Variants in DNMBP observed in about 807,000 individuals in gnomAD.
DNMBP encodes dynamin binding protein.
DNMBP carries 87 observed loss-of-function variants against 150.0 expected under a neutral mutation model. That is an observed-to-expected ratio of 0.58 (90% CI 0.49 to 0.69). DNMBP has a LOEUF of 0.69. DNMBP is among the 30% of genes least tolerant of loss of function. DNMBP has a pLI of 0.00. For missense variants in DNMBP, 1,774 were observed against 1,949.0 expected (o/e 0.91, Z 1.69); for synonymous variants, 711 against 750.4 (o/e 0.95, Z 0.86).
At position 99,887,194 on chromosome 10, in the gene DNMBP, T is replaced by A. The variant is rs141434878; in HGVS notation, c.3286-562A>T. Among the ~76,000 whole-genome samples, 259 of 151,798 alleles carry A rather than the reference T, an allele frequency of 1.7e-3. No homozygotes were observed. In the Middle Eastern group the frequency reaches 0.034, roughly 20 times the overall value. On this transcript the variant is annotated intron_variant, in intron 12 of 16. Transcript: ENST00000324109. The stretch of plus-strand genomic sequence containing the variant: ...GCCTCAGCCTCCCAAGAAGTTGGGA[T>A]TACAGGAGTCAGCCACCGCACACAG...
intron 14 of DNMBP, among the ~76,000 whole-genome samples, chr10:99,885,325 A>G (rs1483077491): frequency 8.5e-5 from 13 of 152,202 alleles, no homozygotes; most frequent in Admixed American, 8.5e-4. Context: ...CCTGGCCAAC[A>G]TGGTAAAACC....
chr10:99,923,186 C>T (rs189234121), intron 4 of DNMBP, among the ~76,000 whole-genome samples: 2 of 152,102 alleles, frequency 1.3e-5, no homozygotes, highest in African/African-American at 2.4e-5. Context: ...GTCAGGAGTT[C>T]GACTCCAGCC....
At chr10:99,913,047 C>T (rs7916729) in intron 4 of DNMBP, among the ~76,000 whole-genome samples, 3,286 of 152,154 alleles carry the variant, frequency 0.022, 119 homozygotes, top group African/African-American at 0.073. Flanking sequence ...GTAATCCTAG[C>T]GCTTTGGGAG....
chr10:99,933,841 A>G (rs11190329), intron 4 of DNMBP, among the ~76,000 whole-genome samples: 71,209 of 152,028 alleles, frequency 0.47, 17,662 homozygotes, highest in African/African-American at 0.63. Context: ...GGTTCACACC[A>G]TTCTCCTGCC....
chr10:99,970,971 C>CAAAAAAAAAAAAAAAACAAAAAAA, intron 2 of DNMBP, among the ~76,000 whole-genome samples: 1 of 33,184 alleles, frequency 3.0e-5, no homozygotes, highest in Non-Finnish European at 5.5e-5. Context: ...GACTCCGTCT[C>CAAAAAAAAAAAAAAAACAAAAAAA]AAAAAAAAAA....
chr10:99,893,812 C>G (rs2039612246), intron 11 of DNMBP, among the ~76,000 whole-genome samples: 1 of 152,116 alleles, frequency 6.6e-6, no homozygotes, highest in East Asian at 1.9e-4. Flanking sequence ...GCTAGTGTAT[C>G]TCCCACCTAC....
intron 1 of DNMBP, among the ~76,000 whole-genome samples, chr10:100,004,801 G>A (rs781035958): frequency 2.6e-5 from 4 of 152,122 alleles, no homozygotes; most frequent in East Asian, 1.9e-4. Flanking sequence ...AAGACAAAAC[G>A]AGAACTAAAT....
chr10:99,915,108 A>AAAAATATAT (rs10654940), intron 4 of DNMBP, among the ~76,000 whole-genome samples: 67 of 99,794 alleles, frequency 6.7e-4, no homozygotes, highest in South Asian at 1.0e-3. Context: ...AAAAAAAAAA[A>AAAAATATAT]ATATATATAT....
At chr10:100,000,583 G>A (rs1430283211) in intron 1 of DNMBP, among the ~76,000 whole-genome samples, 1 of 152,098 alleles carries the variant, frequency 6.6e-6, no homozygotes, top group Non-Finnish European at 1.5e-5. Context: ...GATTCTACTA[G>A]CCTGCTGAAC....
Position 99,879,859 on chromosome 10 carries a change from C to G in DNMBP, c.4500G>C (p.Pro1500=). The part of the protein sequence containing the change: ...VKGCARTAQA[P]EDRSTEPDGS... ...CATCTGGCTCTGTACTTCTGTCTTC[C>G]GGAGCCTGGGCTGTTCTTGCACATC... is the stretch of plus-strand genomic sequence containing the variant. Residue 1500 remains proline, a synonymous_variant, in exon 16 of 17, where the codon CCG becomes CCC. Coordinates refer to ENST00000324109, the MANE Select transcript of DNMBP (RefSeq NM_015221.4). The G allele has an allele frequency of 6.2e-7, 1 of 1,614,234 alleles. No homozygotes were observed.
rs373382477 is a variant in DNMBP, at chr10:99,888,821, T to C, written c.3285+4A>G. The C allele has an allele frequency of 1.2e-6, 2 of 1,613,832 alleles. No individual in the cohort carries two copies. The highest frequency in any genetic ancestry group is 1.3e-5 in the African/African-American group (1 of 74,908). ...GGCCAACTTTTGAAGAAAAAGTTAC[T>C]TACAAAGTTTGTGAAGAGCTGGTCA... On this transcript the variant is annotated splice_donor_region_variant and intron_variant, in intron 12 of 16. Transcript: ENST00000324109.
intron 1 of DNMBP, among the ~76,000 whole-genome samples, chr10:99,974,341 G>T (rs192277802): frequency 4.5e-4 from 68 of 152,278 alleles, no homozygotes; most frequent in African/African-American, 1.6e-3. Flanking sequence ...GATGCATGTG[G>T]CTGGGGAACC....
rs183335767 is a variant in DNMBP, at chr10:99,904,649, A to G, written c.2554+3346T>C. ...ACCACCCACCATCCCTCCTCTAAAAATTAGTCCTTGCGCCTAGGTCTCAGC... is the reference window on the plus strand; with the variant it reads ...ACCACCCACCATCCCTCCTCTAAAAGTTAGTCCTTGCGCCTAGGTCTCAGC... On this transcript the variant is annotated intron_variant, in intron 6 of 16. Transcript: ENST00000324109. Among the ~76,000 whole-genome samples the G allele has an allele frequency of 4.7e-4, 71 of 152,154 alleles. 1 individual carries two copies. In the East Asian group the frequency reaches 0.012, roughly 25 times the overall value.
rs546104669 is a variant in DNMBP, at chr10:99,976,319, T to C, written c.-10-4185A>G. On this transcript the variant is annotated intron_variant, in intron 1 of 16. Coordinates refer to ENST00000324109, the MANE Select transcript of DNMBP (RefSeq NM_015221.4). ...TTTAAAAATAGACACACTCCAGACT[T>C]CCCTGACTTCTTTATTAGAAGACCT... Among the ~76,000 whole-genome samples the C allele has an allele frequency of 2.0e-4, 30 of 152,338 alleles. No individual in the cohort carries two copies. In the South Asian group the frequency reaches 5.4e-3, roughly 27 times the overall value.
intron 4 of DNMBP, among the ~76,000 whole-genome samples, chr10:99,926,756 C>CA: frequency 6.6e-6 from 1 of 152,118 alleles, no homozygotes; most frequent in Non-Finnish European, 1.5e-5. Flanking sequence ...ACTGTGCATG[C>CA]AGGTGATGAG....
chr10:99,928,982 A>G (rs1388884232), intron 4 of DNMBP, among the ~76,000 whole-genome samples: 1 of 152,006 alleles, frequency 6.6e-6, no homozygotes, highest in African/African-American at 2.4e-5. Context: ...TGCCCCTACA[A>G]AAAAATAAAA....
chr10:99,989,633 C>T (rs538166663), intron 1 of DNMBP, among the ~76,000 whole-genome samples: 34 of 152,182 alleles, frequency 2.2e-4, no homozygotes, highest in Non-Finnish European at 4.4e-4. Context: ...ATCACTTGAA[C>T]CTGGGAGGCG....
chr10:99,928,910 G>A (rs1258202976), intron 4 of DNMBP, among the ~76,000 whole-genome samples: 1 of 152,066 alleles, frequency 6.6e-6, no homozygotes, highest in Non-Finnish European at 1.5e-5. Flanking sequence ...TTGGGAAGCA[G>A]AGGTGGGTGG....
At chr10:99,922,527 T>TTA (rs1554864053) in intron 4 of DNMBP, among the ~76,000 whole-genome samples, 2 of 78,966 alleles carry the variant, frequency 2.5e-5, no homozygotes, top group Non-Finnish European at 4.4e-5. Flanking sequence ...TTTTTTTTCT[T>TTA]AAAAAAAAAA....
Sources: allele counts gnomAD v4.1 joint callset (sites outside exome capture counted in the v4.1 genomes callset), GRCh38; gene constraint gnomAD v4.1.1; transcripts MANE v1.5; gene names NCBI Gene and HGNC (gene_info 2026-07-23, HGNC 2026-07-21).